WWOX: variants seen among roughly 807,000 people sequenced by gnomAD.
The protein encoded by WWOX is WW domain containing oxidoreductase.
Under a neutral mutation model 46.2 loss-of-function variants are expected in WWOX, and 69 were observed. That is an observed-to-expected ratio of 1.49 (90% CI 1.23 to 1.82). The LOEUF is 1.82. Ranked by LOEUF, WWOX falls within the 40% of genes most tolerant of loss-of-function variation. The pLI is 0.00. For synonymous variants in WWOX, 359 were observed against 202.6 expected, an observed-to-expected ratio of 1.77 and a Z score of -6.56; for missense variants, 919 against 542.6, an observed-to-expected ratio of 1.69 and a Z score of -6.89.
At chr16:78,867,919 C>G (rs1480440852) in intron 8 of WWOX, among the ~76,000 whole-genome samples, 2 of 152,164 alleles carry the variant, frequency 1.3e-5, no homozygotes. Flanking sequence ...AGAACTAGAA[C>G]TGTCATTCAC....
chr16:78,893,612 A>G (rs1322438472), intron 8 of WWOX, among the ~76,000 whole-genome samples: 1 of 152,168 alleles, frequency 6.6e-6, no homozygotes, highest in Non-Finnish European at 1.5e-5. Context: ...TAAATGTTGC[A>G]GCCAATATTT....
At chr16:79,057,025 A>C (rs1450127603) in intron 8 of WWOX, among the ~76,000 whole-genome samples, 1 of 152,210 alleles carries the variant, frequency 6.6e-6, no homozygotes, top group Non-Finnish European at 1.5e-5. Flanking sequence ...CGAAGGAAAA[A>C]TATGAAGGAG....
At chr16:78,123,586 T>C (rs1174360587) in intron 4 of WWOX, 2 of 151,364 alleles carry the variant, frequency 1.3e-5, no homozygotes, top group Non-Finnish European at 2.9e-5. Flanking sequence ...GCCTCTCGAG[T>C]AGCTGGGAGT....
At chr16:78,933,598 C>T (rs368295356) in intron 8 of WWOX, among the ~76,000 whole-genome samples, 21 of 152,266 alleles carry the variant, frequency 1.4e-4, no homozygotes, top group South Asian at 2.1e-4. Flanking sequence ...AAGACATACC[C>T]GAGACTGGGC....
intron 8 of WWOX, among the ~76,000 whole-genome samples, chr16:78,636,812 G>A (rs2046582999): frequency 6.6e-6 from 1 of 152,182 alleles, no homozygotes; most frequent in African/African-American, 2.4e-5. Context: ...TCAACCTCCT[G>A]TTAATTTGGT....
intron 8 of WWOX, among the ~76,000 whole-genome samples, chr16:78,625,381 C>A (rs1364478904): frequency 6.6e-6 from 1 of 152,156 alleles, no homozygotes; most frequent in Non-Finnish European, 1.5e-5. Flanking sequence ...AAATTCACCC[C>A]CACACAATCC....
At chr16:78,434,516 G>A (rs1440444687) in intron 8 of WWOX, among the ~76,000 whole-genome samples, 1 of 152,170 alleles carries the variant, frequency 6.6e-6, no homozygotes, top group Non-Finnish European at 1.5e-5. Flanking sequence ...TTTAGGAATG[G>A]GGAGAGGAGA....
chr16:79,096,503 A>G (rs954901988), intron 8 of WWOX, among the ~76,000 whole-genome samples: 4 of 152,090 alleles, frequency 2.6e-5, no homozygotes, highest in East Asian at 1.9e-4. Flanking sequence ...GTGCCCTTCA[A>G]CAGCTACAGG....
At chr16:79,065,995 C>T (rs1022275563) in intron 8 of WWOX, among the ~76,000 whole-genome samples, 2 of 152,206 alleles carry the variant, frequency 1.3e-5, no homozygotes, top group African/African-American at 4.8e-5. Context: ...CAACATTTCC[C>T]TACTGCCTTG....
At chr16:78,126,742 C>G (rs930265184) in intron 4 of WWOX, among the ~76,000 whole-genome samples, 4 of 152,160 alleles carry the variant, frequency 2.6e-5, no homozygotes, top group African/African-American at 9.7e-5. Flanking sequence ...AGCTGCAACT[C>G]AAATCAAAGG....
chr16:78,515,585 A>C (rs942639267), intron 8 of WWOX, among the ~76,000 whole-genome samples: 16 of 152,236 alleles, frequency 1.1e-4, no homozygotes, highest in Admixed American at 8.5e-4. Flanking sequence ...TCCGGGCATC[A>C]CATAGCTATC....
intron 7 of WWOX, among the ~76,000 whole-genome samples, chr16:78,431,268 T>A (rs7201039): frequency 3.3e-5 from 5 of 152,072 alleles, no homozygotes; most frequent in Non-Finnish European, 4.4e-5. Context: ...AAACATTAGA[T>A]TTTGCCAGAA....
chr16:78,245,664 T>C (rs2037794554), intron 5 of WWOX, among the ~76,000 whole-genome samples: 1 of 152,218 alleles, frequency 6.6e-6, no homozygotes, highest in African/African-American at 2.4e-5. Flanking sequence ...AGACAAGTAG[T>C]GGGAACGGAG....
chr16:78,935,698 A>T (rs752489025), intron 8 of WWOX, among the ~76,000 whole-genome samples: 1 of 152,064 alleles, frequency 6.6e-6, no homozygotes, highest in Non-Finnish European at 1.5e-5. Flanking sequence ...TGGCACATGT[A>T]TACTTATGTA....
intron 8 of WWOX, among the ~76,000 whole-genome samples, chr16:79,185,372 A>C (rs774047378): frequency 6.6e-6 from 1 of 152,184 alleles, no homozygotes; most frequent in Non-Finnish European, 1.5e-5. Context: ...ACTTATTTAC[A>C]GTTTGAGGGG....
intron 1 of WWOX, among the ~76,000 whole-genome samples, chr16:78,102,136 G>T (rs1310422164): frequency 2.0e-5 from 3 of 152,146 alleles, no homozygotes; most frequent in African/African-American, 7.2e-5. Flanking sequence ...GCCCAGGCTG[G>T]TTTGAACTCC....
chr16:79,060,171 A>AT (rs1164706090), intron 8 of WWOX, among the ~76,000 whole-genome samples: 1 of 152,238 alleles, frequency 6.6e-6, no homozygotes, highest in East Asian at 1.9e-4. Context: ...GGAGGAGAAC[A>AT]TAAAAACCCA....
At position 78,519,974 on chromosome 16, in the gene WWOX, C is replaced by T. The variant is rs142948697; in HGVS notation, c.1056+87222C>T. On this transcript the variant is annotated intron_variant, in intron 8 of 8. Coordinates refer to ENST00000566780, the MANE Select transcript of WWOX (RefSeq NM_016373.4). ...CCTAATAAAACATGGAATCATTCTA[C>T]GCATGCTGTTCTGTATTGTAGTATG... 9.5e-4 allele frequency among the ~76,000 whole-genome samples: 144 copies of T among 152,294 alleles called. 1 individual carries two copies. Among genetic ancestry groups the T allele is most frequent in the Middle Eastern group, 3.4e-3 (1 of 294 alleles).
chr16:78,415,856 C>T (rs1050041723), intron 6 of WWOX, among the ~76,000 whole-genome samples: 10 of 152,096 alleles, frequency 6.6e-5, no homozygotes, highest in African/African-American at 2.4e-4. Context: ...GAGGGGATGT[C>T]CTCTGGCCCA....
Sources: allele counts gnomAD v4.1 joint callset (sites outside exome capture counted in the v4.1 genomes callset), GRCh38; gene constraint gnomAD v4.1.1; transcripts MANE v1.5; gene names NCBI Gene and HGNC (gene_info 2026-07-23, HGNC 2026-07-21).